ALG5: variants seen among roughly 807,000 people sequenced by gnomAD.
ALG5 encodes dolichyl-phosphate beta-glucosyltransferase.
A neutral mutation model predicts 51.8 loss-of-function variants in ALG5; 26 were observed. That is an observed-to-expected ratio of 0.50 (90% CI 0.37 to 0.70). The LOEUF (loss-of-function observed/expected upper bound fraction) is 0.70, where lower values mean the gene tolerates loss of function less well. Among genes scored for constraint, ALG5 ranks in the 30% least tolerant of loss-of-function variants. The pLI is 0.00. For missense variants in ALG5, 311 were observed against 399.3 expected (o/e 0.78, Z 1.88); for synonymous variants, 141 against 136.1 (o/e 1.04, Z -0.25).
chr13:36,985,301 C>T (rs1352361007), intron 6 of ALG5, among the ~76,000 whole-genome samples: 1 of 152,048 alleles, frequency 6.6e-6, no homozygotes. Context: ...CATTTCACAT[C>T]TTTACCTGGA....
Position 36,995,453 on chromosome 13 carries a change from A to G in ALG5, c.210T>C (p.Val70=). 10 of 1,612,994 alleles carry G rather than the reference A, an allele frequency of 6.2e-6. No individual in the cohort carries two copies. The highest frequency in any genetic ancestry group is 1.7e-6 in the Non-Finnish European group (2 of 1,179,794). Residue 70 remains valine, a synonymous_variant, in exon 2 of 10, where the codon GTT becomes GTC. Coordinates refer to ENST00000239891, the MANE Select transcript of ALG5 (RefSeq NM_013338.5). The part of the protein sequence containing the change: ...WDSPTKQLSV[V]VPSYNEEKRL... ...GTTTTTCTTCATTGTATGAAGGCAC[A>G]ACGACAGAAAGTTGTTTGGTAGGTG...
chr13:36,987,953 G>A (rs754098727), intron 5 of ALG5, among the ~76,000 whole-genome samples: 2 of 152,082 alleles, frequency 1.3e-5, no homozygotes, highest in African/African-American at 4.8e-5. Context: ...CTCACCCACC[G>A]CTCCAGCCTT....
intron 6 of ALG5, among the ~76,000 whole-genome samples, chr13:36,977,541 C>G (rs1264819426): frequency 6.6e-6 from 1 of 151,846 alleles, no homozygotes; most frequent in Non-Finnish European, 1.5e-5. Context: ...CCTATACTCC[C>G]AGCACTTTGG....
At chr13:36,976,146 AG>A (rs1481364276) in intron 6 of ALG5, among the ~76,000 whole-genome samples, 1 of 151,790 alleles carries the variant, frequency 6.6e-6, no homozygotes, top group Non-Finnish European at 1.5e-5. Context: ...AGAATTTTCT[AG>A]GCTGGGCACG....
At chr13:36,957,554 T>A (rs570231856) in intron 8 of ALG5, among the ~76,000 whole-genome samples, 3 of 151,342 alleles carry the variant, frequency 2.0e-5, no homozygotes, top group African/African-American at 7.3e-5. Flanking sequence ...TCAGGAAGAG[T>A]CGAGAAAATG....
chr13:36,978,177 C>T (rs1217033914), intron 6 of ALG5, among the ~76,000 whole-genome samples: 1 of 147,222 alleles, frequency 6.8e-6, no homozygotes, highest in African/African-American at 2.5e-5. Context: ...TGAGTCACTG[C>T]GCCCCACCTT....
chr13:36,989,702 C>T (rs1318321348), intron 4 of ALG5, 126 bp from the exon 5 acceptor site: 1 of 670,376 alleles, frequency 1.5e-6, no homozygotes, highest in Non-Finnish European at 2.5e-6. Flanking sequence ...TAGGTTACAC[C>T]CACTGTACAT....
chr13:36,972,305 GAA>G (rs983107599), intron 6 of ALG5, among the ~76,000 whole-genome samples: 2 of 152,056 alleles, frequency 1.3e-5, no homozygotes, highest in Admixed American at 1.3e-4. Flanking sequence ...TTTTCTGTGT[GAA>G]AATACTATAT....
At chr13:36,982,113 A>T (rs993123133) in intron 6 of ALG5, among the ~76,000 whole-genome samples, 10 of 146,148 alleles carry the variant, frequency 6.8e-5, no homozygotes, top group Admixed American at 4.7e-4. Context: ...ACAAACAAAC[A>T]ACAACAACAA....
intron 8 of ALG5, among the ~76,000 whole-genome samples, chr13:36,953,093 G>A (rs1593655387): frequency 6.6e-6 from 1 of 152,118 alleles, no homozygotes; most frequent in East Asian, 1.9e-4. Context: ...GTGTCCCCAG[G>A]GCCTTCCTTG....
At chr13:36,992,540 A>G (rs1015553308) in intron 4 of ALG5, among the ~76,000 whole-genome samples, 4 of 152,224 alleles carry the variant, frequency 2.6e-5, no homozygotes, top group African/African-American at 9.7e-5. Flanking sequence ...ATGGATGCAC[A>G]ATGAAGCTTT....
chr13:36,994,333 T>A (rs967915226), intron 3 of ALG5, among the ~76,000 whole-genome samples: 18 of 152,142 alleles, frequency 1.2e-4, no homozygotes, highest in Admixed American at 5.2e-4. Context: ...AATTTTTTTT[T>A]AAAAAGAACT....
intron 7 of ALG5, among the ~76,000 whole-genome samples, chr13:36,966,737 G>A (rs989578433): frequency 1.6e-4 from 24 of 152,228 alleles, no homozygotes; most frequent in African/African-American, 5.3e-4. Flanking sequence ...GTAATGATGC[G>A]TTACTTACAT....
chr13:36,960,238 T>C (rs1011588004), intron 8 of ALG5, among the ~76,000 whole-genome samples: 6 of 152,192 alleles, frequency 3.9e-5, no homozygotes, highest in African/African-American at 1.4e-4. Flanking sequence ...TTAAGAGAAC[T>C]TTAGTTCTTA....
intron 9 of ALG5, among the ~76,000 whole-genome samples, chr13:36,950,583 T>C (rs1448881243): frequency 6.1e-5 from 2 of 32,620 alleles, no homozygotes; most frequent in Non-Finnish European, 1.2e-4. Context: ...GCAGATTCTT[T>C]TTTTGTTTTT....
chr13:36,969,581 T>G (rs1409452235), intron 7 of ALG5, among the ~76,000 whole-genome samples: 1 of 152,148 alleles, frequency 6.6e-6, no homozygotes, highest in African/African-American at 2.4e-5. Flanking sequence ...TCGCCCAGGC[T>G]GGAGTGCAGT....
At position 36,952,517 on chromosome 13, in the gene ALG5, C is replaced by T. The variant is rs1474839351; in HGVS notation, c.856G>A (p.Glu286Lys). The change falls in exon 9 of 10, where the codon GAA becomes AAA. Residue 286 changes from glutamate (E) to lysine (K), a missense_variant. Glu to Lys is a moderately conservative substitution (Grantham distance 56, BLOSUM62 1). Transcript: ENST00000239891. ...AEIAVNWTEI[E>K]GSKLVPFWSW... Reference sequence around the variant, plus strand: ...ATACAATAAACAATATACTCACCTTCAATTTCTGTCCAGTTGACAGCAATT... The same window carrying T: ...ATACAATAAACAATATACTCACCTTTAATTTCTGTCCAGTTGACAGCAATT... The T allele has an allele frequency of 6.3e-7, 1 of 1,594,046 alleles. No homozygotes were observed.
intron 6 of ALG5, among the ~76,000 whole-genome samples, chr13:36,972,595 C>T (rs1355645810): frequency 1.3e-5 from 2 of 152,020 alleles, no homozygotes; most frequent in African/African-American, 4.8e-5. Context: ...TAGACAAGAT[C>T]TAAATAAAGG....
At chr13:36,959,079 G>A (rs929741300) in intron 8 of ALG5, among the ~76,000 whole-genome samples, 2 of 152,140 alleles carry the variant, frequency 1.3e-5, no homozygotes, top group Non-Finnish European at 2.9e-5. Flanking sequence ...ATTATGCTAA[G>A]TTATGCCAAG....
Sources: gnomAD v4.1 joint callset for allele counts (sites outside exome capture counted in the v4.1 genomes callset) on GRCh38, gnomAD v4.1.1 for gene constraint, MANE v1.5 for transcripts, NCBI Gene and HGNC (gene_info 2026-07-23, HGNC 2026-07-21) for gene names.